Variants in RNF175 observed in about 807,000 individuals in gnomAD.
The protein encoded by RNF175 is ring finger protein 175.
RNF175 carries 38 observed loss-of-function variants against 50.0 expected under a neutral mutation model. The observed-to-expected ratio is 0.76, with a 90% confidence interval of 0.59 to 1.00. RNF175 has a LOEUF of 1.00. Among genes scored for constraint, RNF175 ranks in the 50% least tolerant of loss-of-function variants. The pLI, the probability that RNF175 is intolerant of heterozygous loss-of-function variation, is 0.00. For synonymous variants in RNF175, 155 were observed against 146.1 expected (o/e 1.06, Z -0.44); for missense variants, 388 against 409.6 (o/e 0.95, Z 0.46).
chr4:153,720,269 A>C lies in RNF175; in HGVS notation c.545T>G (p.Val182Gly). ...KARDSMDFGI[V>G]SLFYGLYYGV... Reference sequence around the variant, plus strand: ...ATAGTAGAGGCCGTAGAACAAAGACACAATGCCAAAATCCATGGAATCTCT... The same window carrying C: ...ATAGTAGAGGCCGTAGAACAAAGACCCAATGCCAAAATCCATGGAATCTCT... The change falls in exon 6 of 9, where the codon GTG (valine) becomes GGG (glycine). Residue 182 changes from valine (V) to glycine (G), a missense_variant. Coordinates refer to ENST00000347063, the MANE Select transcript of RNF175 (RefSeq NM_173662.4). 6.2e-7 allele frequency: 1 copy of C among 1,613,340 alleles called. No individual in the cohort carries two copies. Among genetic ancestry groups the C allele is most frequent in the African/African-American group, 1.3e-5 (1 of 75,020 alleles).
At chr4:153,748,956 T>A in intron 2 of RNF175, 170 bp from the exon 3 acceptor site, 1 of 600,804 alleles carries the variant, frequency 1.7e-6, no homozygotes, top group Non-Finnish European at 2.8e-6. Context: ...TTTTTCTAAG[T>A]TTTTCTTGGT....
At chr4:153,728,175 G>T (rs751894269) in intron 4 of RNF175, 32 bp downstream of exon 4, 37 of 1,519,238 alleles carry the variant, frequency 2.4e-5, no homozygotes, top group South Asian at 2.2e-4. Flanking sequence ...AAATAAAGGG[G>T]CTCCTGGGGA....
intron 7 of RNF175, 106 bp downstream of exon 7, chr4:153,715,423 A>T: frequency 9.0e-7 from 1 of 1,112,290 alleles, no homozygotes; most frequent in Non-Finnish European, 1.3e-6. Context: ...GGGTTTGGGC[A>T]TGGAAGGTAA....
At chr4:153,743,598 C>T (rs1739801387) in intron 3 of RNF175, among the ~76,000 whole-genome samples, 1 of 152,120 alleles carries the variant, frequency 6.6e-6, no homozygotes, top group Non-Finnish European at 1.5e-5. Flanking sequence ...GACAGGATCA[C>T]CATGATCATT....
chr4:153,728,464 C>A, intron 3 of RNF175, 103 bp from the exon 4 acceptor site: 2 of 953,716 alleles, frequency 2.1e-6, no homozygotes, highest in South Asian at 2.9e-5. Flanking sequence ...ACCACCTTCA[C>A]CATCATGTCT....
chr4:153,726,646 G>C (rs532879378), intron 4 of RNF175, among the ~76,000 whole-genome samples: 8 of 152,270 alleles, frequency 5.3e-5, no homozygotes, highest in Admixed American at 5.2e-4. Context: ...GCTTCCAAAT[G>C]GAAGATAGTT....
Position 153,710,315 on chromosome 4 carries a change from A to G in RNF175, c.*54T>C. On this transcript the variant is annotated 3_prime_UTR_variant, in exon 9 of 9. Coordinates refer to ENST00000347063, the MANE Select transcript of RNF175 (RefSeq NM_173662.4). ...CTAAAATTAAAAAAATTAATATTAA[A>G]TGTTGGACCAAGGATTTCAACCATG... 9 of 1,404,780 alleles carry G rather than the reference A, an allele frequency of 6.4e-6. No individual in the cohort carries two copies. Among genetic ancestry groups the G allele is most frequent in the Non-Finnish European group, 8.5e-6 (9 of 1,053,570 alleles). 87.0% of individuals were successfully genotyped at this position (1,404,780 alleles called of 1,614,324 possible). A position where few individuals can be genotyped will look rare whatever the true frequency, so the allele number is the denominator to read the frequency against.
chr4:153,720,281 T>C lies in RNF175; in HGVS notation c.533A>G (p.Asp178Gly), dbSNP rs766883578. 34 of 1,612,892 alleles carry C rather than the reference T, an allele frequency of 2.1e-5. No individual in the cohort carries two copies. Among genetic ancestry groups the C allele is most frequent in the Non-Finnish European group, 2.6e-5 (31 of 1,179,074 alleles). Residue 178 changes from aspartate to glycine, a missense_variant, in exon 6 of 9, where the codon GAT becomes GGT. Coordinates refer to ENST00000347063, the MANE Select transcript of RNF175 (RefSeq NM_173662.4). ...FFKIKARDSM[D>G]FGIVSLFYGL... ...GTAGAACAAAGACACAATGCCAAAATCCATGGAATCTCTAGCTTTGATTCT... is the reference window on the plus strand; with the variant it reads ...GTAGAACAAAGACACAATGCCAAAACCCATGGAATCTCTAGCTTTGATTCT...
At chr4:153,718,991 A>T (rs992663139) in intron 6 of RNF175, among the ~76,000 whole-genome samples, 18 of 152,166 alleles carry the variant, frequency 1.2e-4, no homozygotes, top group African/African-American at 4.1e-4. Flanking sequence ...AAATTCCAGG[A>T]TACACATGCA....
chr4:153,720,451 TGAAA>T, intron 5 of RNF175, 147 bp from the exon 6 acceptor site: 1 of 639,952 alleles, frequency 1.6e-6, no homozygotes, highest in Non-Finnish European at 2.7e-6. Context: ...CTTTTTTAAA[TGAAA>T]TAATTTAAAA....
intron 3 of RNF175, among the ~76,000 whole-genome samples, chr4:153,735,955 A>G (rs187914042): frequency 6.6e-6 from 1 of 152,176 alleles, no homozygotes; most frequent in Admixed American, 6.5e-5. Flanking sequence ...TCTAATCTGC[A>G]TACCTTTTAT....
At chr4:153,729,795 A>G (rs548265518) in intron 3 of RNF175, 1 of 985,244 alleles carries the variant, frequency 1.0e-6, no homozygotes, top group African/African-American at 1.7e-5. Flanking sequence ...AAAAACACAC[A>G]CGGAGCAAGT....
chr4:153,737,185 T>C (rs999089636), intron 3 of RNF175, among the ~76,000 whole-genome samples: 1 of 152,126 alleles, frequency 6.6e-6, no homozygotes, highest in Non-Finnish European at 1.5e-5. Flanking sequence ...ATTAGTAATT[T>C]GTGTTTTCTC....
rs146754430 is a variant in RNF175 at position 153,744,278 on chromosome 4, C to T, written c.246+4367G>A. Among the ~76,000 whole-genome samples, 750 of 152,106 alleles carry T rather than the reference C, an allele frequency of 4.9e-3. 5 individuals are homozygous for T. The highest frequency in any genetic ancestry group is 9.0e-3 in the South Asian group (43 of 4,792). On this transcript the variant is annotated intron_variant, in intron 3 of 8. Coordinates refer to ENST00000347063, the MANE Select transcript of RNF175 (RefSeq NM_173662.4). ...CTCTACTAAAAAATACAAAATTAGC[C>T]GGGTGTGGTGGTGGGCGCCTGTAAT...
At chr4:153,730,237 G>A (rs1432105507) in intron 3 of RNF175, among the ~76,000 whole-genome samples, 2 of 152,080 alleles carry the variant, frequency 1.3e-5, no homozygotes, top group East Asian at 3.9e-4. Context: ...TTGAGCTCAG[G>A]AGCTTGAGAC....
Position 153,712,450 on chromosome 4 carries a change from AT to A in RNF175, c.866+24del, listed in dbSNP as rs775983390. ...CCAGAAACATTCAAGATAATCTCTTATAACCTTTTTGTTTTAAAGGATATGG... is the reference window on the plus strand; with the variant it reads ...CCAGAAACATTCAAGATAATCTCTTAAACCTTTTTGTTTTAAAGGATATGG... On this transcript the variant is annotated intron_variant, in intron 8 of 8. Transcript: ENST00000347063. The A allele has an allele frequency of 5.4e-6, 7 of 1,288,916 alleles. No individual in the cohort carries two copies. In the African/African-American group the frequency reaches 1.0e-4, roughly 19 times the overall value. The allele number at this position is 1,288,916 out of a possible 1,614,324, so 79.8% of individuals were successfully genotyped here.
chr4:153,756,838 G>A (rs1435814328), intron 1 of RNF175, among the ~76,000 whole-genome samples: 8 of 152,194 alleles, frequency 5.3e-5, no homozygotes, highest in Non-Finnish European at 8.8e-5. Flanking sequence ...GAGGGCAAGG[G>A]CTGTCACTCT....
chr4:153,725,159 A>T (rs2127115497), intron 4 of RNF175, among the ~76,000 whole-genome samples: 1 of 150,922 alleles, frequency 6.6e-6, no homozygotes, highest in East Asian at 2.0e-4. Flanking sequence ...TTAAGTGGAG[A>T]CAGAAACTTG....
chr4:153,758,882 C>T (rs1398949708), intron 1 of RNF175, among the ~76,000 whole-genome samples: 1 of 152,158 alleles, frequency 6.6e-6, no homozygotes. Flanking sequence ...AGCTCGAATG[C>T]CACGCCCTCA....
Sources: allele counts gnomAD v4.1 joint callset (sites outside exome capture counted in the v4.1 genomes callset), GRCh38; gene constraint gnomAD v4.1.1; transcripts MANE v1.5; gene names NCBI Gene and HGNC (gene_info 2026-07-23, HGNC 2026-07-21).